HMCN1: variants seen among roughly 807,000 people sequenced by gnomAD.
The protein encoded by HMCN1 is hemicentin-1.
In HMCN1, 321 loss-of-function variants were observed where a neutral mutation model predicts 625.9. The ratio of observed to expected loss-of-function variants is 0.51; its 90% confidence interval spans 0.47 to 0.56. The LOEUF (loss-of-function observed/expected upper bound fraction) is 0.56. HMCN1 is among the 20% of genes least tolerant of loss of function. The pLI is 0.00. For synonymous variants in HMCN1, 2,425 were observed against 2,417.6 expected (o/e 1.00, Z -0.09); for missense variants, 6,588 against 6,887.3 (o/e 0.96, Z 1.54).
chr1:185,951,266 G>A (rs896333396), intron 11 of HMCN1, among the ~76,000 whole-genome samples: 3 of 151,190 alleles, frequency 2.0e-5, no homozygotes, highest in Non-Finnish European at 4.4e-5. Context: ...AGGTGTCTCA[G>A]CCTAATAAGG....
chr1:186,093,849 C>G (rs774815469), intron 66 of HMCN1, among the ~76,000 whole-genome samples, 180 bp downstream of exon 66: 158 of 151,868 alleles, frequency 1.0e-3, no homozygotes, highest in Non-Finnish European at 2.0e-3. Flanking sequence ...ATTTTTTATC[C>G]TTATTTAAGT....
At chr1:186,045,593 C>A in intron 40 of HMCN1, 95 bp from the exon 41 acceptor site, 1 of 940,542 alleles carries the variant, frequency 1.1e-6, no homozygotes, top group Non-Finnish European at 1.7e-6. Flanking sequence ...TTTAAAAGAA[C>A]CAATAAAGGT....
rs182635752 is a variant in HMCN1, at chr1:185,780,363, G to C, written c.268+45316G>C. Among the ~76,000 whole-genome samples the C allele has an allele frequency of 5.9e-5, 9 of 152,256 alleles. No individual in the cohort carries two copies. In the East Asian group the frequency reaches 1.7e-3, roughly 29 times the overall value. On this transcript the variant is annotated intron_variant, in intron 1 of 106. Transcript: ENST00000271588. ...TGTCTTTCTCCTGCCTAATTGCCCT[G>C]GCCAGAACTTCCAACACTATGTTGA...
At chr1:185,865,978 T>A (rs1663167448) in intron 4 of HMCN1, 115 bp downstream of exon 4, 1 of 963,792 alleles carries the variant, frequency 1.0e-6, no homozygotes, top group African/African-American at 1.6e-5. Flanking sequence ...AAGGTATAAC[T>A]CCAAGGCCAC....
chr1:185,735,969 C>G (rs564956478), intron 1 of HMCN1, among the ~76,000 whole-genome samples: 79 of 152,332 alleles, frequency 5.2e-4, no homozygotes, highest in Non-Finnish European at 9.4e-4. Flanking sequence ...AGTCCTCCCC[C>G]ACTGTTCTCC....
intron 105 of HMCN1, among the ~76,000 whole-genome samples, chr1:186,184,797 ATTCTT>A (rs1350515573): frequency 6.6e-6 from 1 of 152,132 alleles, no homozygotes; most frequent in Non-Finnish European, 1.5e-5. Flanking sequence ...TCATTTTGGG[ATTCTT>A]TTCTTGTAGC....
chr1:185,970,448 A>C lies in HMCN1; in HGVS notation c.2326A>C (p.Asn776His), dbSNP rs1183242164. 2.5e-6 allele frequency: 4 copies of C among 1,613,894 alleles called. No individual in the cohort carries two copies. Among genetic ancestry groups the C allele is most frequent in the Non-Finnish European group, 3.4e-6 (4 of 1,179,784 alleles). The change falls in exon 15 of 107, where the codon AAT becomes CAT. Residue 776 changes from asparagine (N) to histidine (H), a missense_variant. This residue lies in a region of HMCN1 where 4,628 missense variants were observed against 4,853.1 expected (regional missense o/e 0.95). Coordinates refer to ENST00000271588, the MANE Select transcript of HMCN1 (RefSeq NM_031935.3). ...DAGDYTCVAI[N>H]EAGRATGKIT... The stretch of plus-strand genomic sequence containing the variant: ...TGGCGATTATACCTGTGTAGCCATC[A>C]ATGAGGCTGGAAGAGCAACTGGCAA...
At chr1:185,750,244 A>T (rs1654708091) in intron 1 of HMCN1, among the ~76,000 whole-genome samples, 2 of 152,156 alleles carry the variant, frequency 1.3e-5, no homozygotes, top group African/African-American at 4.8e-5. Flanking sequence ...GCCTTCTTTT[A>T]TTTAAAGAAA....
At chr1:185,787,705 A>G (rs1242385178) in intron 1 of HMCN1, among the ~76,000 whole-genome samples, 2 of 152,254 alleles carry the variant, frequency 1.3e-5, no homozygotes, top group African/African-American at 2.4e-5. Context: ...CTCAGGGTAT[A>G]AAGAGCAAAT....
At chr1:185,981,424 G>T (rs1215837750) in intron 17 of HMCN1, among the ~76,000 whole-genome samples, 2 of 151,864 alleles carry the variant, frequency 1.3e-5, no homozygotes, top group Non-Finnish European at 2.9e-5. Context: ...TTTTGTGTAT[G>T]ATAGGTAAAA....
intron 1 of HMCN1, among the ~76,000 whole-genome samples, chr1:185,831,447 C>T (rs983404732): frequency 1.4e-4 from 21 of 152,122 alleles, no homozygotes; most frequent in African/African-American, 4.1e-4. Flanking sequence ...TCATCCTTAG[C>T]GGGGAAACAC....
At chr1:185,863,502 G>T (rs556423184) in intron 2 of HMCN1, among the ~76,000 whole-genome samples, 1 of 152,262 alleles carries the variant, frequency 6.6e-6, no homozygotes, top group Admixed American at 6.5e-5. Context: ...GTTGACTAAA[G>T]TATGGAATAT....
chr1:186,023,274 A>G, intron 36 of HMCN1, 121 bp downstream of exon 36: 1 of 856,188 alleles, frequency 1.2e-6, no homozygotes, highest in Middle Eastern at 2.9e-4. Flanking sequence ...TAGTCTGTAT[A>G]AAAAAAACCT....
At chr1:186,150,453 C>G (rs1046275488) in intron 93 of HMCN1, among the ~76,000 whole-genome samples, 9 of 151,964 alleles carry the variant, frequency 5.9e-5, no homozygotes, top group African/African-American at 2.2e-4. Context: ...GTTTTGCAAC[C>G]AGATTACCTT....
At chr1:186,124,141 C>T (rs115675546) in intron 81 of HMCN1, among the ~76,000 whole-genome samples, 100 of 151,976 alleles carry the variant, frequency 6.6e-4, no homozygotes, top group African/African-American at 2.2e-3. Flanking sequence ...CAAAATTGAC[C>T]ATATACTAAA....
At chr1:185,841,824 G>T (rs115505718) in intron 1 of HMCN1, among the ~76,000 whole-genome samples, 2,724 of 152,218 alleles carry the variant, frequency 0.018, 81 homozygotes, top group African/African-American at 0.057. Context: ...CCTATGAGGT[G>T]GTTATAAGGC....
At chr1:186,171,616 T>C (rs1652237679) in intron 101 of HMCN1, among the ~76,000 whole-genome samples, 166 bp downstream of exon 101, 1 of 152,200 alleles carries the variant, frequency 6.6e-6, no homozygotes, top group Admixed American at 6.6e-5. Flanking sequence ...AATGCTGTTT[T>C]ATGAGTTTCT....
At chr1:185,809,680 A>G (rs1415521878) in intron 1 of HMCN1, among the ~76,000 whole-genome samples, 1 of 152,004 alleles carries the variant, frequency 6.6e-6, no homozygotes, top group African/African-American at 2.4e-5. Flanking sequence ...TGATATATAG[A>G]TATGATATAG....
In HMCN1 at chr1:186,057,323, G is replaced by T. The variant is rs1182177563; in HGVS notation, c.7234G>T (p.Gly2412Ter). The T allele has an allele frequency of 5.0e-6, 8 of 1,610,088 alleles. No individual in the cohort carries two copies. In the Admixed American group the frequency reaches 1.3e-4, roughly 27 times the overall value. Reference protein sequence around the residue: ...NSVSLTCEASGIPLPSITWFK... With the variant: ...NSVSLTCEAS ...AGTATCTTTGACTTGTGAAGCTTCTGGAATTCCCCTGCCTTCCATAACCTG... is the reference window on the plus strand; with the variant it reads ...AGTATCTTTGACTTGTGAAGCTTCTTGAATTCCCCTGCCTTCCATAACCTG... Residue 2412 changes from glycine to a stop codon, truncating the protein, a stop_gained, in exon 46 of 107, where the codon GGA (glycine) becomes TGA (stop). Transcript: ENST00000271588. LOFTEE classifies it high-confidence loss of function.
Sources: gnomAD v4.1 joint callset for allele counts (sites outside exome capture counted in the v4.1 genomes callset) on GRCh38, gnomAD v4.1.1 for gene constraint, gnomAD v4.1.1 regional missense constraint, MANE v1.5 for transcripts, NCBI Gene and HGNC (gene_info 2026-07-23, HGNC 2026-07-21) for gene names.